The following NEDD9 variants were observed in gnomAD, a reference collection of about 807,000 sequenced individuals.
The protein encoded by NEDD9 is enhancer of filamentation 1.
NEDD9 carries 26 observed loss-of-function variants against 76.6 expected under a neutral mutation model. The observed-to-expected ratio is 0.34, with a 90% CI of 0.25 to 0.47. NEDD9 has a LOEUF of 0.47. Ranked by LOEUF, NEDD9 falls within the 20% of genes least tolerant of loss-of-function variation. NEDD9 has a pLI of 1.00. For missense variants in NEDD9, 937 were observed against 1,058.5 expected, an observed-to-expected ratio of 0.89 and a Z score of 1.59; for synonymous variants, 392 against 414.2, an observed-to-expected ratio of 0.95 and a Z score of 0.65.
At chr6:11,224,322 G>T (rs1759241067) in intron 1 of NEDD9, among the ~76,000 whole-genome samples, 1 of 152,208 alleles carries the variant, frequency 6.6e-6, no homozygotes, top group Non-Finnish European at 1.5e-5. Context: ...CAGCTCCACA[G>T]TGACAGGGGT....
At chr6:11,239,999 G>A (rs1157996118) in intron 3 of NEDD9, among the ~76,000 whole-genome samples, 5 of 145,632 alleles carry the variant, frequency 3.4e-5, no homozygotes, top group African/African-American at 1.3e-4. Flanking sequence ...AGCCAAGATC[G>A]AGCCACTGCA....
At chr6:11,276,121 A>G (rs891170702) in intron 3 of NEDD9, among the ~76,000 whole-genome samples, 3 of 152,248 alleles carry the variant, frequency 2.0e-5, no homozygotes, top group Admixed American at 1.3e-4. Context: ...AGTGGGAGAC[A>G]TCTTTCAGTT....
At chr6:11,356,360 T>A (rs1762575390) in intron 1 of NEDD9, among the ~76,000 whole-genome samples, 1 of 152,208 alleles carries the variant, frequency 6.6e-6, no homozygotes, top group Admixed American at 6.5e-5. Flanking sequence ...GAGCCAGGGA[T>A]CTGTATTTTT....
At chr6:11,228,295 C>T (rs1261698469) in intron 1 of NEDD9, among the ~76,000 whole-genome samples, 1 of 152,152 alleles carries the variant, frequency 6.6e-6, no homozygotes, top group African/African-American at 2.4e-5. Flanking sequence ...CTTTGGGAGG[C>T]TGAGGCAGGT....
chr6:11,205,629 CTT>C (rs1013583052), intron 2 of NEDD9, among the ~76,000 whole-genome samples: 9 of 144,944 alleles, frequency 6.2e-5, no homozygotes, highest in Non-Finnish European at 4.6e-5. Context: ...TTACATCCTA[CTT>C]TTTTTTTTTT....
intron 2 of NEDD9, among the ~76,000 whole-genome samples, chr6:11,207,091 T>G (rs920765497): frequency 6.6e-6 from 1 of 152,236 alleles, no homozygotes; most frequent in Non-Finnish European, 1.5e-5. Context: ...GAGTATTTTT[T>G]GGGTGTGTAC....
At chr6:11,316,497 C>A (rs1190890486) in intron 2 of NEDD9, among the ~76,000 whole-genome samples, 1 of 152,176 alleles carries the variant, frequency 6.6e-6, no homozygotes, top group Admixed American at 6.5e-5. Context: ...TCAGTTGCCT[C>A]TGTCTTAGCT....
intron 3 of NEDD9, among the ~76,000 whole-genome samples, chr6:11,269,471 G>C (rs1760260888): frequency 6.6e-6 from 1 of 152,102 alleles, no homozygotes; most frequent in Admixed American, 6.5e-5. Context: ...AGACCTCCTT[G>C]GGTATCTGAA....
At chr6:11,238,602 C>G (rs944606324) in intron 3 of NEDD9, among the ~76,000 whole-genome samples, 1 of 152,186 alleles carries the variant, frequency 6.6e-6, no homozygotes, top group African/African-American at 2.4e-5. Context: ...TGCCCCACTT[C>G]GTGGCTCTGC....
At chr6:11,307,999 G>A (rs564935558) in intron 2 of NEDD9, among the ~76,000 whole-genome samples, 5 of 152,210 alleles carry the variant, frequency 3.3e-5, no homozygotes, top group African/African-American at 4.8e-5. Flanking sequence ...TCTAGACCCC[G>A]TGCCAAGGAC....
chr6:11,200,162 A>G lies in NEDD9; in HGVS notation c.460-6470T>C, dbSNP rs1462878220. 4 of 217,396 alleles carry G rather than the reference A, an allele frequency of 1.8e-5. No individual in the cohort carries two copies. The East Asian group carries it at 4.8e-4, about 26-fold the overall frequency. 13.5% of individuals were successfully genotyped at this position (217,396 alleles called of 1,614,324 possible). ...CTACAGCTTCTTTGGGTAAGGGGGAACATTGGACTATAGGGCTCACCAAGG... is the reference window on the plus strand; with the variant it reads ...CTACAGCTTCTTTGGGTAAGGGGGAGCATTGGACTATAGGGCTCACCAAGG... On this transcript the variant is annotated intron_variant, in intron 2 of 6. Coordinates refer to ENST00000379446, the MANE Select transcript of NEDD9 (RefSeq NM_006403.4).
At position 11,302,846 on chromosome 6, in the gene NEDD9, G is replaced by T. The variant is rs185791158; in HGVS notation, c.12+3146C>A. Among the ~76,000 whole-genome samples the T allele has an allele frequency of 8.9e-4, 135 of 152,314 alleles. No individual in the cohort carries two copies. The Middle Eastern group carries it at 0.014, about 15-fold the overall frequency. ...CATGCTAAAAACTCTCAATAAAATAGGTATTGGTGGAACGTATCTCAAAAT... is the reference window on the plus strand; with the variant it reads ...CATGCTAAAAACTCTCAATAAAATATGTATTGGTGGAACGTATCTCAAAAT... On this transcript the variant is annotated intron_variant, in intron 3 of 3. Transcript: ENST00000397378.
At chr6:11,214,988 C>T (rs983512457) in intron 1 of NEDD9, among the ~76,000 whole-genome samples, 2 of 152,216 alleles carry the variant, frequency 1.3e-5, no homozygotes, top group African/African-American at 4.8e-5. Context: ...TCTCTAGCAA[C>T]GTGGACTTGA....
In NEDD9 at chr6:11,286,611, C is replaced by T. The variant is rs73721523; in HGVS notation, c.12+19381G>A. Reference sequence around the variant, plus strand: ...ATGGATAAACACACTGTGGTCCATCCGTATGAAGAATAACACTCAGCCATA... The same window carrying T: ...ATGGATAAACACACTGTGGTCCATCTGTATGAAGAATAACACTCAGCCATA... On this transcript the variant is annotated intron_variant, in intron 3 of 3. Coordinates refer to the NEDD9 transcript ENST00000397378. Among the ~76,000 whole-genome samples, 936 of 152,046 alleles carry T rather than the reference C, an allele frequency of 6.2e-3. 14 individuals carry two copies. The highest frequency in any genetic ancestry group is 0.021 in the African/African-American group (882 of 41,448).
chr6:11,252,064 T>G lies in NEDD9; in HGVS notation c.13-38337A>C, dbSNP rs1006740679. ...CAGGGTTGAAGGCTGTGTCGATTCC[T>G]GTCACACACAGATTATATTTTGCTG... is the stretch of plus-strand genomic sequence containing the variant. On this transcript the variant is annotated intron_variant, in intron 3 of 3. Coordinates refer to the NEDD9 transcript ENST00000397378. This position sits in a 1 kb window ranked among gnomAD's most constrained non-coding sequence, Gnocchi z 4.3. 6.6e-6 allele frequency among the ~76,000 whole-genome samples: 1 copy of G among 152,198 alleles called. No individual in the cohort carries two copies. The highest frequency in any genetic ancestry group is 1.5e-5 in the Non-Finnish European group (1 of 68,034).
intron 3 of NEDD9, among the ~76,000 whole-genome samples, chr6:11,300,407 G>A (rs954760770): frequency 6.6e-6 from 1 of 152,146 alleles, no homozygotes; most frequent in South Asian, 2.1e-4. Flanking sequence ...TGAAAGTGAC[G>A]GGAAGAATGG....
At chr6:11,210,764 G>GGGGA (rs1554125278) in intron 2 of NEDD9, among the ~76,000 whole-genome samples, 2 of 38,104 alleles carry the variant, frequency 5.2e-5, no homozygotes, top group Non-Finnish European at 1.0e-4. Flanking sequence ...GGAGGGATGG[G>GGGGA]GGGAGAGAGA....
chr6:11,266,443 T>C (rs1581990078), intron 3 of NEDD9, among the ~76,000 whole-genome samples: 2 of 152,240 alleles, frequency 1.3e-5, no homozygotes, highest in East Asian at 3.9e-4. Flanking sequence ...TTAATAGTGC[T>C]GATGCTGAGA....
intron 2 of NEDD9, among the ~76,000 whole-genome samples, chr6:11,315,674 G>C (rs886197143): frequency 1.3e-5 from 2 of 152,166 alleles, no homozygotes; most frequent in Non-Finnish European, 2.9e-5. Context: ...CACTGGAGGG[G>C]ATTGGCTTAT....
Sources: gnomAD v4.1 joint callset for allele counts (sites outside exome capture counted in the v4.1 genomes callset) on GRCh38, gnomAD v4.1.1 for gene constraint, Gnocchi (gnomAD v3.1) non-coding constraint, MANE v1.5 for transcripts, NCBI Gene and HGNC (gene_info 2026-07-23, HGNC 2026-07-21) for gene names.